RAD51B: variants seen among roughly 807,000 people sequenced by gnomAD.
RAD51B encodes the protein RAD51 paralog B.
RAD51B carries 38 observed loss-of-function variants against 42.2 expected under a neutral mutation model. That is an observed-to-expected ratio of 0.90 (90% CI 0.70 to 1.18). The LOEUF (loss-of-function observed/expected upper bound fraction) is 1.18. Ranked by LOEUF, RAD51B falls within the 50% of genes most tolerant of loss-of-function variation. The pLI, the probability that RAD51B is intolerant of heterozygous loss-of-function variation, is 0.00. For missense variants in RAD51B, 373 were observed against 400.7 expected (o/e 0.93, Z 0.59); for synonymous variants, 154 against 145.2 (o/e 1.06, Z -0.43).
In RAD51B at chr14:68,151,823, C is replaced by CT. The variant is rs71129868; in HGVS notation, c.757-140024dup. 2.0e-4 allele frequency among the ~76,000 whole-genome samples: 8 copies of CT among 39,992 alleles called. 1 individual carries two copies. Among genetic ancestry groups the CT allele is most frequent in the Admixed American group, 4.1e-4 (1 of 2,436 alleles). 26.2% of individuals were successfully genotyped at this position (39,992 alleles called of 152,430 possible). A position where few individuals can be genotyped will look rare whatever the true frequency, so the allele number is the denominator to read the frequency against. On this transcript the variant is annotated intron_variant, in intron 7 of 10. Coordinates refer to ENST00000471583, the MANE Select transcript of RAD51B (RefSeq NM_133510.4). ...CAAACATGGACTATAGTTATAAAGA[C>CT]TTTTTTTTTTTTTTTTTTTTTTTTT...
chr14:67,925,414 A>G lies in RAD51B; in HGVS notation c.756+38210A>G, dbSNP rs367930762. On this transcript the variant is annotated intron_variant, in intron 7 of 10. Coordinates refer to ENST00000471583, the MANE Select transcript of RAD51B (RefSeq NM_133510.4). Reference sequence around the variant, plus strand: ...CAGCCTCCCGAGTAGCCGGGACTACAGGTGCCTGCCACCACGTCTGGCTAA... The same window carrying G: ...CAGCCTCCCGAGTAGCCGGGACTACGGGTGCCTGCCACCACGTCTGGCTAA... Among the ~76,000 whole-genome samples the G allele has an allele frequency of 1.2e-3, 176 of 152,178 alleles. 1 individual carries two copies. Among genetic ancestry groups the G allele is most frequent in the African/African-American group, 2.4e-3 (99 of 41,522 alleles).
intron 10 of RAD51B, among the ~76,000 whole-genome samples, chr14:68,609,385 C>T (rs558328176): frequency 6.6e-6 from 1 of 152,288 alleles, no homozygotes; most frequent in Admixed American, 6.5e-5. Context: ...TCTCAGCACG[C>T]CCCTTACTGA....
At chr14:68,182,296 G>T (rs1320558899) in intron 7 of RAD51B, among the ~76,000 whole-genome samples, 1 of 152,150 alleles carries the variant, frequency 6.6e-6, no homozygotes, top group Non-Finnish European at 1.5e-5. Context: ...ATTTCAGTTT[G>T]TTTCCCACTA....
chr14:68,038,554 T>C (rs562240020), intron 7 of RAD51B, among the ~76,000 whole-genome samples: 75 of 152,334 alleles, frequency 4.9e-4, no homozygotes, highest in African/African-American at 1.7e-3. Context: ...ATATAAAATA[T>C]ACAAATCATA....
chr14:67,834,563 A>C (rs2041166121), intron 3 of RAD51B, among the ~76,000 whole-genome samples: 1 of 151,948 alleles, frequency 6.6e-6, no homozygotes, highest in Non-Finnish European at 1.5e-5. Flanking sequence ...GCTGTGCTAC[A>C]CCCACACTCC....
chr14:68,511,580 A>G (rs888772351), intron 10 of RAD51B, among the ~76,000 whole-genome samples: 1 of 152,236 alleles, frequency 6.6e-6, no homozygotes, highest in African/African-American at 2.4e-5. Flanking sequence ...GAGAATTGCT[A>G]TTAAATAACC....
intron 7 of RAD51B, among the ~76,000 whole-genome samples, chr14:68,115,668 T>A (rs929049866): frequency 1.3e-5 from 2 of 152,066 alleles, no homozygotes; most frequent in Non-Finnish European, 2.9e-5. Flanking sequence ...CATTCTTTGA[T>A]GAAGACAATC....
chr14:68,211,631 T>C (rs2079710183), intron 7 of RAD51B, among the ~76,000 whole-genome samples: 1 of 152,174 alleles, frequency 6.6e-6, no homozygotes. Flanking sequence ...TAAATTAATA[T>C]ATAAAACCAT....
intron 7 of RAD51B, among the ~76,000 whole-genome samples, chr14:67,997,021 TC>T (rs1303371156): frequency 2.6e-5 from 4 of 152,186 alleles, no homozygotes; most frequent in Non-Finnish European, 4.4e-5. Flanking sequence ...GCATTTTACA[TC>T]AACTTAGATG....
At chr14:68,000,716 A>T (rs2075465392) in intron 7 of RAD51B, among the ~76,000 whole-genome samples, 1 of 152,180 alleles carries the variant, frequency 6.6e-6, no homozygotes, top group Non-Finnish European at 1.5e-5. Flanking sequence ...TGGAAAAAAT[A>T]AGCCTCATGG....
chr14:68,618,337 C>T (rs1386177616), intron 10 of RAD51B, among the ~76,000 whole-genome samples: 1 of 152,160 alleles, frequency 6.6e-6, no homozygotes, highest in African/African-American at 2.4e-5. Flanking sequence ...GATGTTTATT[C>T]CCCTAGATCC....
chr14:67,887,188 A>G lies in RAD51B; in HGVS notation c.740A>G (p.Glu247Gly), dbSNP rs1259171776. The change falls in exon 7 of 11, where the codon GAG (glutamate) becomes GGG (glycine). Residue 247 changes from glutamate (E) to glycine (G), a missense_variant. Coordinates refer to ENST00000471583, the MANE Select transcript of RAD51B (RefSeq NM_133510.4). ...GCATCCTCCTTGAAGTATTTGGCTG[A>G]GGAGTTTTCAATCCCAGTAAGTTTT... ...REASSLKYLA[E>G]EFSIPVILTN... is the part of the protein sequence containing the mutation. The G allele has an allele frequency of 6.2e-7, 1 of 1,608,272 alleles. No individual in the cohort carries two copies. The highest frequency in any genetic ancestry group is 1.3e-5 in the African/African-American group (1 of 74,724).
intron 7 of RAD51B, among the ~76,000 whole-genome samples, chr14:68,279,632 T>C (rs1389824012): frequency 1.3e-5 from 2 of 152,264 alleles, no homozygotes; most frequent in Non-Finnish European, 2.9e-5. Flanking sequence ...GAGGTACTAA[T>C]ATACTTCATG....
At chr14:68,344,700 C>A (rs1352852620) in intron 8 of RAD51B, among the ~76,000 whole-genome samples, 1 of 151,788 alleles carries the variant, frequency 6.6e-6, no homozygotes, top group African/African-American at 2.4e-5. Flanking sequence ...GTAATCCCAG[C>A]ACTTTAGGAG....
intron 4 of RAD51B, among the ~76,000 whole-genome samples, chr14:67,859,863 C>T (rs892570306): frequency 1.3e-5 from 2 of 152,054 alleles, no homozygotes; most frequent in Non-Finnish European, 2.9e-5. Context: ...TCTTGTTGCC[C>T]AGGCTGGAGT....
intron 3 of RAD51B, among the ~76,000 whole-genome samples, chr14:67,831,319 A>G (rs923427988): frequency 1.3e-5 from 2 of 152,190 alleles, no homozygotes; most frequent in Admixed American, 6.5e-5. Flanking sequence ...ATCAGAATGG[A>G]TGAGTGATTG....
At chr14:68,034,782 T>C (rs1031125386) in intron 7 of RAD51B, among the ~76,000 whole-genome samples, 1 of 152,164 alleles carries the variant, frequency 6.6e-6, no homozygotes, top group Non-Finnish European at 1.5e-5. Flanking sequence ...GTTAGGGTAA[T>C]GACATTCCCA....
At chr14:67,935,992 T>A (rs1423682066) in intron 7 of RAD51B, among the ~76,000 whole-genome samples, 1 of 152,182 alleles carries the variant, frequency 6.6e-6, no homozygotes, top group African/African-American at 2.4e-5. Context: ...AGAAAATAGA[T>A]GTCATTTTAT....
intron 10 of RAD51B, among the ~76,000 whole-genome samples, chr14:68,624,787 C>G (rs1464372374): frequency 6.6e-6 from 1 of 152,222 alleles, no homozygotes; most frequent in Admixed American, 6.5e-5. Context: ...CTAAGTGAGA[C>G]TTCTTCCCTC....
Sources: gnomAD v4.1 joint callset for allele counts (sites outside exome capture counted in the v4.1 genomes callset) on GRCh38, gnomAD v4.1.1 for gene constraint, MANE v1.5 for transcripts, NCBI Gene and HGNC (gene_info 2026-07-23, HGNC 2026-07-21) for gene names.